Variants in PPP2R5C observed in about 807,000 individuals in gnomAD.
The protein encoded by PPP2R5C is protein phosphatase 2 regulatory subunit B'gamma.
Under a neutral mutation model 68.9 loss-of-function variants are expected in PPP2R5C, and 7 were observed. The observed-to-expected ratio is 0.10, with a 90% CI of 0.06 to 0.19. PPP2R5C has a LOEUF of 0.19. Among genes scored for constraint, PPP2R5C ranks in the 10% least tolerant of loss-of-function variants. The pLI is 1.00. For synonymous variants in PPP2R5C, 210 were observed against 222.2 expected (o/e 0.95, Z 0.49); for missense variants, 348 against 641.3 (o/e 0.54, Z 4.94).
intron 3 of PPP2R5C, among the ~76,000 whole-genome samples, chr14:101,789,072 C>T (rs2038246414): frequency 6.6e-6 from 1 of 152,170 alleles, no homozygotes; most frequent in Non-Finnish European, 1.5e-5. Context: ...TTTGCCGTCA[C>T]CTTACCACAT....
upstream of PPP2R5C, among the ~76,000 whole-genome samples, chr14:101,809,281 A>G (rs1317362034): frequency 1.3e-5 from 2 of 151,788 alleles, no homozygotes; most frequent in Non-Finnish European, 2.9e-5. Flanking sequence ...AGATCTCAAG[A>G]AAAAAAGTGT....
chr14:101,878,360 T>C (rs2043927182), intron 2 of PPP2R5C, among the ~76,000 whole-genome samples: 1 of 152,238 alleles, frequency 6.6e-6, no homozygotes, highest in African/African-American at 2.4e-5. Flanking sequence ...CTGAGTCACC[T>C]TGCAGGCCCT....
intron 3 of PPP2R5C, among the ~76,000 whole-genome samples, chr14:101,802,589 C>T (rs1256307420): frequency 6.6e-6 from 1 of 151,948 alleles, no homozygotes; most frequent in East Asian, 1.9e-4. Flanking sequence ...GGCTATGATA[C>T]CAAAAGCTCA....
In PPP2R5C at chr14:101,915,155, C is replaced by T. The variant is rs2046597276; in HGVS notation, c.1327-2676C>T. Among the ~76,000 whole-genome samples, 1 of 152,198 alleles carries T rather than the reference C, an allele frequency of 6.6e-6. No homozygotes were observed. Among genetic ancestry groups the T allele is most frequent in the Admixed American group, 6.5e-5 (1 of 15,282 alleles). ...GCAGTGGCGTGATCTCGGCTCACCA[C>T]AACCTCCGCCTCCCAGGTTCAAGCA... is the stretch of plus-strand genomic sequence containing the variant. On this transcript the variant is annotated intron_variant, in intron 12 of 13. Coordinates refer to ENST00000334743, the Ensembl canonical transcript of PPP2R5C. The surrounding 1 kb of genome is among the most constrained non-coding windows in gnomAD (Gnocchi z 4.2).
rs938315321 is a variant in PPP2R5C at position 101,835,550 on chromosome 14, C to G, written c.95-21136C>G. Among the ~76,000 whole-genome samples, 8 of 152,194 alleles carry G rather than the reference C, an allele frequency of 5.3e-5. No homozygotes were observed. Among genetic ancestry groups the G allele is most frequent in the Admixed American group, 1.3e-4 (2 of 15,292 alleles). On this transcript the variant is annotated intron_variant, in intron 1 of 13. Coordinates refer to ENST00000334743, the Ensembl canonical transcript of PPP2R5C. The surrounding 1 kb of genome is among the most constrained non-coding windows in gnomAD (Gnocchi z 5.0). ...GGCTAATGGGAAACCTGGCCCATGTCAAATTTGTATTAGGAACCATTGATT... is the reference window on the plus strand; with the variant it reads ...GGCTAATGGGAAACCTGGCCCATGTGAAATTTGTATTAGGAACCATTGATT...
At chr14:101,893,833 G>T (rs1388652459) in intron 7 of PPP2R5C, among the ~76,000 whole-genome samples, 4 of 152,186 alleles carry the variant, frequency 2.6e-5, no homozygotes, top group Non-Finnish European at 5.9e-5. Flanking sequence ...TGAAAAATTG[G>T]TCAATAAGTG....
intron 1 of PPP2R5C, among the ~76,000 whole-genome samples, chr14:101,826,482 A>C (rs2040405811): frequency 2.0e-5 from 3 of 152,144 alleles, no homozygotes; most frequent in South Asian, 4.1e-4. Flanking sequence ...TCTCTATTCC[A>C]TTGGTCTGTA....
chr14:101,862,558 A>G (rs577926519), intron 2 of PPP2R5C, among the ~76,000 whole-genome samples: 102 of 152,332 alleles, frequency 6.7e-4, no homozygotes, highest in African/African-American at 2.3e-3. Context: ...TTTGATGTAG[A>G]CAATGACCTA....
intron 1 of PPP2R5C, among the ~76,000 whole-genome samples, chr14:101,853,818 A>C (rs2140538135): frequency 6.6e-6 from 1 of 152,176 alleles, no homozygotes; most frequent in South Asian, 2.1e-4. Flanking sequence ...CATGTTCTTA[A>C]AGGACTTAAC....
intron 1 of PPP2R5C, among the ~76,000 whole-genome samples, chr14:101,826,501 C>T (rs1243999830): frequency 6.6e-6 from 1 of 152,118 alleles, no homozygotes; most frequent in African/African-American, 2.4e-5. Context: ...TATGTCTGTC[C>T]TTATGTCTGT....
chr14:101,796,683 T>G (rs2038626111), intron 3 of PPP2R5C: 1 of 163,744 alleles, frequency 6.1e-6, no homozygotes, highest in Non-Finnish European at 1.3e-5. Flanking sequence ...GGCCCGGGGC[T>G]ACACACATGA....
chr14:101,805,035 ATAAG>A (rs1049613267), upstream of PPP2R5C, among the ~76,000 whole-genome samples: 2 of 152,202 alleles, frequency 1.3e-5, no homozygotes, highest in African/African-American at 4.8e-5. Flanking sequence ...GTTTTAAAAA[ATAAG>A]TGTTAATGTC....
intron 5 of PPP2R5C, among the ~76,000 whole-genome samples, chr14:101,885,483 GC>G (rs1435867447): frequency 5.0e-5 from 7 of 139,458 alleles, no homozygotes; most frequent in Non-Finnish European, 9.0e-5. Flanking sequence ...CACAGCCCCG[GC>G]CTCTCCCATC....
In PPP2R5C at chr14:101,918,334, T is replaced by C. The variant is rs375555350; in HGVS notation, c.1443+387T>C. 4.1e-5 allele frequency among the ~76,000 whole-genome samples: 6 copies of C among 148,092 alleles called. No homozygotes were observed. In the East Asian group the frequency reaches 1.2e-3, roughly 29 times the overall value. ...TCCCTTAGCTCTTCACAGCGGGTGC[T>C]AACAACCCCTCTCCCTAGGACACCT... On this transcript the variant is annotated intron_variant, in intron 13 of 13. Coordinates refer to ENST00000334743, the Ensembl canonical transcript of PPP2R5C.
intron 2 of PPP2R5C, among the ~76,000 whole-genome samples, chr14:101,770,788 T>C (rs1418152228): frequency 2.0e-5 from 3 of 152,274 alleles, no homozygotes; most frequent in African/African-American, 4.8e-5. Flanking sequence ...TGGCAACTTA[T>C]AGCCCTGCCA....
At chr14:101,887,684 T>G (rs972992989) in intron 5 of PPP2R5C, among the ~76,000 whole-genome samples, 2 of 152,198 alleles carry the variant, frequency 1.3e-5, no homozygotes, top group Non-Finnish European at 2.9e-5. Context: ...GAGTTTGGCT[T>G]GGAACTGGTG....
chr14:101,799,382 T>C (rs563929396), intron 3 of PPP2R5C, among the ~76,000 whole-genome samples: 1 of 152,256 alleles, frequency 6.6e-6, no homozygotes, highest in South Asian at 2.1e-4. Context: ...GGGAGCGCAC[T>C]CCATATCTGA....
chr14:101,859,795 GC>G (rs1210917153), intron 2 of PPP2R5C, among the ~76,000 whole-genome samples: 1 of 152,140 alleles, frequency 6.6e-6, no homozygotes, highest in Non-Finnish European at 1.5e-5. Flanking sequence ...GCAGCTTAGA[GC>G]CCCTGTGTGC....
intron 2 of PPP2R5C, among the ~76,000 whole-genome samples, chr14:101,772,049 T>A (rs925301879): frequency 6.6e-6 from 1 of 152,200 alleles, no homozygotes; most frequent in Admixed American, 6.5e-5. Context: ...CATTTGCAGC[T>A]TCACAGAAAG....
Sources: gnomAD v4.1 joint callset for allele counts (sites outside exome capture counted in the v4.1 genomes callset) on GRCh38, gnomAD v4.1.1 for gene constraint, Gnocchi (gnomAD v3.1) non-coding constraint, MANE v1.5 for transcripts, NCBI Gene and HGNC (gene_info 2026-07-23, HGNC 2026-07-21) for gene names.